Variants in THG1L observed in about 807,000 individuals in gnomAD.
THG1L encodes the protein tRNA-histidine guanylyltransferase 1 like.
In THG1L, 27 loss-of-function variants were observed where a neutral mutation model predicts 35.2. The ratio of observed to expected loss-of-function variants is 0.77; its 90% CI spans 0.57 to 1.06. THG1L has a LOEUF of 1.06. Ranked by LOEUF, THG1L falls within the 50% of genes least tolerant of loss-of-function variation. The pLI is 0.00. For synonymous variants in THG1L, 135 were observed against 132.4 expected, an observed-to-expected ratio of 1.02 and a Z score of -0.14; for missense variants, 377 against 371.8, an observed-to-expected ratio of 1.01 and a Z score of -0.12.
chr5:157,734,457 C>A, intron 2 of THG1L, 119 bp from the exon 3 acceptor site: 1 of 1,189,400 alleles, frequency 8.4e-7, no homozygotes, highest in Non-Finnish European at 1.2e-6. Flanking sequence ...ATTTTATCTC[C>A]TGGCTTTCTG....
chr5:157,738,994 G>A (rs570241831), intron 5 of THG1L, among the ~76,000 whole-genome samples: 46 of 151,876 alleles, frequency 3.0e-4, no homozygotes, highest in Middle Eastern at 3.4e-3. Flanking sequence ...GGCTGGTCTC[G>A]AACTCCTGAC....
intron 3 of THG1L, among the ~76,000 whole-genome samples, chr5:157,735,433 C>A (rs974927039): frequency 2.6e-5 from 4 of 152,198 alleles, no homozygotes; most frequent in East Asian, 1.9e-4. Context: ...TATGTTCATG[C>A]TGGCCTCAGT....
rs779992697 is a variant in THG1L, at chr5:157,731,475, C to T, written c.35C>T (p.Ser12Phe). Residue 12 changes from serine to phenylalanine, a missense_variant, in exon 1 of 6, where the codon TCC (serine) becomes TTC (phenylalanine). Transcript: ENST00000231198. The part of the protein sequence containing the change: ...WGACKVKVHD[S>F]LATISITLRR... The stretch of plus-strand genomic sequence containing the variant: ...GCCTGTAAAGTTAAGGTTCACGATT[C>T]CTTGGCCACCATTTCCATCACTCTG... The T allele has an allele frequency of 1.9e-6, 3 of 1,609,942 alleles. No individual in the cohort carries two copies. Among genetic ancestry groups the T allele is most frequent in the African/African-American group, 1.3e-5 (1 of 74,894 alleles).
intron 5 of THG1L, chr5:157,738,684 A>C: frequency 4.7e-6 from 2 of 428,470 alleles, no homozygotes; most frequent in South Asian, 3.5e-5. Flanking sequence ...GAGTTGTTCA[A>C]AACATTTATT....
chr5:157,739,358 C>G lies in THG1L; in HGVS notation c.773C>G (p.Thr258Arg). The G allele has an allele frequency of 6.2e-7, 1 of 1,613,310 alleles. No individual in the cohort carries two copies. The highest frequency in any genetic ancestry group is 8.5e-7 in the Non-Finnish European group (1 of 1,179,658). The change falls in exon 6 of 6, where the codon ACA becomes AGA. Residue 258 changes from threonine (T) to arginine (R), a missense_variant. Coordinates refer to ENST00000231198, the MANE Select transcript of THG1L (RefSeq NM_017872.5). Reference protein sequence around the residue: ...EVMTKEIKLPTEMEGKKMAVT... With the variant: ...EVMTKEIKLPREMEGKKMAVT... Reference sequence around the variant, plus strand: ...ATGACAAAAGAAATTAAGCTGCCAACAGAAATGGAAGGAAAAAAGATGGCA... The same window carrying G: ...ATGACAAAAGAAATTAAGCTGCCAAGAGAAATGGAAGGAAAAAAGATGGCA...
rs1294402701 is a variant in THG1L at position 157,734,589 on chromosome 5, C to T, written c.382C>T (p.His128Tyr). Residue 128 changes from histidine (H) to tyrosine (Y), a missense_variant, in exon 3 of 6, where the codon CAC (histidine) becomes TAC (tyrosine). Coordinates refer to ENST00000231198, the MANE Select transcript of THG1L (RefSeq NM_017872.5). ...FKRRASKFMTHVASQFASSYV... is the reference protein window; with the variant it reads ...FKRRASKFMTYVASQFASSYV... ...TACATTTTCAAGTAAGTTCATGACT[C>T]ACGTGGCCTCCCAGTTTGCCTCCAG... 3.1e-6 allele frequency: 5 copies of T among 1,614,140 alleles called. No individual in the cohort carries two copies. The South Asian group carries it at 5.5e-5, about 18-fold the overall frequency.
At chr5:157,733,479 A>G (rs1257423581) in intron 2 of THG1L, among the ~76,000 whole-genome samples, 2 of 152,164 alleles carry the variant, frequency 1.3e-5, no homozygotes, top group Non-Finnish European at 2.9e-5. Context: ...CAAATCATAT[A>G]ATGAATTGGT....
At chr5:157,732,243 A>AAAAAAAAG (rs1760747334) in intron 1 of THG1L, among the ~76,000 whole-genome samples, 3 of 90,548 alleles carry the variant, frequency 3.3e-5, no homozygotes, top group Admixed American at 2.2e-4. Flanking sequence ...AAAAAAAAAA[A>AAAAAAAAG]AGAGAGAGAG....
intron 1 of THG1L, 136 bp from the exon 2 acceptor site, chr5:157,732,732 T>C (rs1760761630): frequency 7.0e-6 from 7 of 997,546 alleles, no homozygotes; most frequent in Non-Finnish European, 1.0e-5. Flanking sequence ...ATGGATCAGG[T>C]TGTGGCTAGT....
At chr5:157,733,491 TTTTC>T (rs1317275044) in intron 2 of THG1L, among the ~76,000 whole-genome samples, 3 of 152,166 alleles carry the variant, frequency 2.0e-5, no homozygotes, top group Admixed American at 6.5e-5. Flanking sequence ...TGAATTGGTT[TTTTC>T]TTTCTTTCTT....
chr5:157,731,696 T>G lies in THG1L; in HGVS notation c.191+65T>G, dbSNP rs1310387845. On this transcript the variant is annotated intron_variant, in intron 1 of 5. Transcript: ENST00000231198. ...CTTCCGGGGAATCCAGCTTCTTCCC[T>G]TGCAAGTCCTCCCGCCCGCTCCAGT... The G allele has an allele frequency of 8.5e-6, 13 of 1,527,240 alleles. 1 individual carries two copies. Among genetic ancestry groups the G allele is most frequent in the South Asian group, 1.3e-5 (1 of 78,204 alleles). 94.6% of individuals were successfully genotyped at this position (1,527,240 alleles called of 1,614,324 possible). A position where few individuals can be genotyped will look rare whatever the true frequency, so the allele number is the denominator to read the frequency against.
chr5:157,731,664 G>A lies in THG1L; in HGVS notation c.191+33G>A, dbSNP rs753832565. 9 of 1,571,944 alleles carry A rather than the reference G, an allele frequency of 5.7e-6. No individual in the cohort carries two copies. In the South Asian group the frequency reaches 9.4e-5, roughly 16 times the overall value. On this transcript the variant is annotated intron_variant, in intron 1 of 5. Transcript: ENST00000231198. Reference sequence around the variant, plus strand: ...AGCTCGACTCGGGGCGTCGCGATGCGCCAGCGCTTCCGGGGAATCCAGCTT... The same window carrying A: ...AGCTCGACTCGGGGCGTCGCGATGCACCAGCGCTTCCGGGGAATCCAGCTT...
In THG1L at chr5:157,740,029, C is replaced by CT. The variant is rs1039010149; in HGVS notation, c.*548dup. 9.9e-5 allele frequency: 15 copies of CT among 152,216 alleles called. No individual in the cohort carries two copies. The highest frequency in any genetic ancestry group is 3.6e-4 in the African/African-American group (15 of 41,438). The allele number at this position is 152,216 out of a possible 1,614,324, so 9.4% of individuals were successfully genotyped here. A position where few individuals can be genotyped will look rare whatever the true frequency, so the allele number is the denominator to read the frequency against. On this transcript the variant is annotated 3_prime_UTR_variant, in exon 6 of 6. Coordinates refer to ENST00000231198, the MANE Select transcript of THG1L (RefSeq NM_017872.5). ...AAAACTCGGGGCTTTGTGCCAGTCT[C>CT]TAAGTTGGCAACTTTGGCTGAACAA...
chr5:157,738,682 CA>C, intron 5 of THG1L: 1 of 426,314 alleles, frequency 2.3e-6, no homozygotes, highest in South Asian at 1.7e-5. Context: ...TTGAGTTGTT[CA>C]AAACATTTAT....
intron 4 of THG1L, among the ~76,000 whole-genome samples, chr5:157,736,142 T>C (rs1216260403): frequency 6.6e-6 from 1 of 152,242 alleles, no homozygotes; most frequent in African/African-American, 2.4e-5. Flanking sequence ...CCTGAGCCTT[T>C]GTGTTCTTAG....
chr5:157,732,482 G>T (rs1156779461), intron 1 of THG1L, among the ~76,000 whole-genome samples: 3 of 152,002 alleles, frequency 2.0e-5, no homozygotes, highest in African/African-American at 7.3e-5. Context: ...AAATATAACA[G>T]AAAGATGGGA....
Position 157,731,641 on chromosome 5 carries a change from C to T in THG1L, c.191+10C>T. The T allele has an allele frequency of 6.3e-7, 1 of 1,586,692 alleles. No individual in the cohort carries two copies. The highest frequency in any genetic ancestry group is 8.6e-7 in the Non-Finnish European group (1 of 1,163,892). On this transcript the variant is annotated intron_variant, in intron 1 of 5. Transcript: ENST00000231198. ...GCCGGAATTTCCATCGGTGAGCGAG[C>T]TCGACTCGGGGCGTCGCGATGCGCC...
intron 2 of THG1L, among the ~76,000 whole-genome samples, chr5:157,733,455 C>T (rs761440298): frequency 8.6e-5 from 13 of 152,040 alleles, no homozygotes; most frequent in Middle Eastern, 3.2e-3. Context: ...TATTTTGAAA[C>T]GCTGTATGGG....
At chr5:157,731,687 C>T (rs1249734606) in intron 1 of THG1L, 56 bp downstream of exon 1, 2 of 1,544,038 alleles carry the variant, frequency 1.3e-6, no homozygotes, top group Non-Finnish European at 1.7e-6. Context: ...GGGAATCCAG[C>T]TTCTTCCCTT....
Sources: allele counts gnomAD v4.1 joint callset (sites outside exome capture counted in the v4.1 genomes callset), GRCh38; gene constraint gnomAD v4.1.1; transcripts MANE v1.5; gene names NCBI Gene and HGNC (gene_info 2026-07-23, HGNC 2026-07-21).